Variants in CSGALNACT1 observed in about 807,000 individuals in gnomAD.
CSGALNACT1 encodes beta4GalNAcT-1.
CSGALNACT1 carries 52 observed loss-of-function variants against 51.0 expected under a neutral mutation model. That is an observed-to-expected ratio of 1.02 (90% confidence interval 0.82 to 1.29). The LOEUF (loss-of-function observed/expected upper bound fraction) is 1.29. CSGALNACT1 is among the 50% of genes most tolerant of loss of function. CSGALNACT1 has a pLI of 0.00. For synonymous variants in CSGALNACT1, 341 were observed against 254.4 expected (o/e 1.34, Z -3.24); for missense variants, 935 against 679.2 (o/e 1.38, Z -4.19).
intron 3 of CSGALNACT1, among the ~76,000 whole-genome samples, chr8:19,528,598 T>C (rs1291642564): frequency 6.7e-6 from 1 of 149,630 alleles, no homozygotes; most frequent in East Asian, 2.0e-4. Flanking sequence ...TTACTCTTTC[T>C]GAGGAGATCC....
intron 6 of CSGALNACT1, among the ~76,000 whole-genome samples, chr8:19,428,768 C>T (rs1315510453): frequency 2.0e-5 from 3 of 151,760 alleles, no homozygotes; most frequent in Admixed American, 2.0e-4. Context: ...CTGCAGAGGA[C>T]ACAAGGTGTT....
chr8:19,453,464 T>C (rs1449088471), intron 5 of CSGALNACT1, among the ~76,000 whole-genome samples: 1 of 152,114 alleles, frequency 6.6e-6, no homozygotes, highest in Non-Finnish European at 1.5e-5. Flanking sequence ...TGCTAATAAA[T>C]GGAGAAGACC....
chr8:19,603,840 CAAAT>C (rs1244563052), upstream of CSGALNACT1, among the ~76,000 whole-genome samples: 2 of 152,266 alleles, frequency 1.3e-5, no homozygotes, highest in African/African-American at 4.8e-5. Context: ...ACAATGAAAA[CAAAT>C]AGACTGTCAG....
chr8:19,407,288 G>T (rs1385924201), intron 9 of CSGALNACT1, among the ~76,000 whole-genome samples: 1 of 151,910 alleles, frequency 6.6e-6, no homozygotes, highest in South Asian at 2.1e-4. Flanking sequence ...TCTACCCCTC[G>T]TCCCTGATTT....
upstream of CSGALNACT1, among the ~76,000 whole-genome samples, chr8:19,685,662 G>A (rs2060932170): frequency 6.6e-6 from 1 of 152,180 alleles, no homozygotes; most frequent in Non-Finnish European, 1.5e-5. Context: ...TCAGGCTGAA[G>A]GTGCCCCTGA....
intron 3 of CSGALNACT1, among the ~76,000 whole-genome samples, chr8:19,539,886 A>G (rs1040254966): frequency 1.3e-5 from 2 of 152,130 alleles, no homozygotes; most frequent in Admixed American, 1.3e-4. Flanking sequence ...ACAGGAGGGG[A>G]GATACCTATG....
chr8:19,556,763 T>C (rs759142547), intron 3 of CSGALNACT1, among the ~76,000 whole-genome samples: 2 of 152,116 alleles, frequency 1.3e-5, no homozygotes, highest in Non-Finnish European at 2.9e-5. Context: ...TAATGCACCA[T>C]GTATCTTGAA....
intron 1 of CSGALNACT1, among the ~76,000 whole-genome samples, chr8:19,693,784 C>A (rs2154216965): frequency 6.6e-6 from 1 of 152,314 alleles, no homozygotes; most frequent in Non-Finnish European, 1.5e-5. Context: ...ACAAGCCAGT[C>A]TCCACTGGTA....
intron 5 of CSGALNACT1, chr8:19,457,781 C>A: frequency 7.4e-7 from 1 of 1,351,430 alleles, no homozygotes; most frequent in Non-Finnish European, 9.8e-7. Flanking sequence ...CAATCAAGGG[C>A]TTAAAGGCAC....
chr8:19,512,587 C>A (rs1430316932), intron 3 of CSGALNACT1, among the ~76,000 whole-genome samples: 3 of 152,132 alleles, frequency 2.0e-5, no homozygotes, highest in African/African-American at 7.2e-5. Context: ...GTCTTACCTC[C>A]TATGATGCAA....
chr8:19,612,577 A>G (rs938519265), intron 1 of CSGALNACT1, among the ~76,000 whole-genome samples: 1 of 151,968 alleles, frequency 6.6e-6, no homozygotes, highest in East Asian at 1.9e-4. Flanking sequence ...CACTCTAACC[A>G]TCTTTTTCAC....
At chr8:19,679,060 T>C (rs1426682842) in intron 1 of CSGALNACT1, among the ~76,000 whole-genome samples, 4 of 152,206 alleles carry the variant, frequency 2.6e-5, no homozygotes, top group East Asian at 3.8e-4. Flanking sequence ...CAATCAATAG[T>C]GTAGAAAAAT....
At chr8:19,724,323 T>C (rs1490852853) in intron 1 of CSGALNACT1, among the ~76,000 whole-genome samples, 1 of 152,206 alleles carries the variant, frequency 6.6e-6, no homozygotes. Flanking sequence ...GGAGAATCTA[T>C]TTCTTTGCTT....
At chr8:19,451,186 A>G (rs1586302818) in intron 5 of CSGALNACT1, among the ~76,000 whole-genome samples, 1 of 152,296 alleles carries the variant, frequency 6.6e-6, no homozygotes, top group East Asian at 1.9e-4. Flanking sequence ...ATCTCACCCA[A>G]CAGATGACAG....
At position 19,527,565 on chromosome 8, in the gene CSGALNACT1, G is replaced by A. The variant is rs529997944; in HGVS notation, c.-296-21435C>T. Among the ~76,000 whole-genome samples, 31 of 152,300 alleles carry A rather than the reference G, an allele frequency of 2.0e-4. 2 individuals are homozygous for A. The South Asian group carries it at 5.8e-3, about 28-fold the overall frequency. Reference sequence around the variant, plus strand: ...GCAGAGGTTAAAGTGAGCTGAGATCGTGCCACTGCACTCTAGCCTGGGTGA... The same window carrying A: ...GCAGAGGTTAAAGTGAGCTGAGATCATGCCACTGCACTCTAGCCTGGGTGA... On this transcript the variant is annotated intron_variant, in intron 3 of 9. Transcript: ENST00000454498.
chr8:19,648,480 G>T (rs376146215), intron 1 of CSGALNACT1, among the ~76,000 whole-genome samples: 1 of 152,036 alleles, frequency 6.6e-6, no homozygotes, highest in African/African-American at 2.4e-5. Flanking sequence ...TGTACACATC[G>T]ATTTCACCAA....
chr8:19,557,284 G>A (rs2039679841), intron 3 of CSGALNACT1, among the ~76,000 whole-genome samples: 1 of 152,132 alleles, frequency 6.6e-6, no homozygotes, highest in Non-Finnish European at 1.5e-5. Context: ...CCTTAAAACT[G>A]TAGTTGCCTC....
rs956721877 is a variant in CSGALNACT1, at chr8:19,570,963, G to C, written c.-297+20197C>G. Among the ~76,000 whole-genome samples the C allele has an allele frequency of 2.0e-5, 3 of 152,056 alleles. No individual in the cohort carries two copies. In the South Asian group the frequency reaches 6.2e-4, roughly 31 times the overall value. On this transcript the variant is annotated intron_variant, in intron 3 of 9. Coordinates refer to ENST00000454498, the Ensembl canonical transcript of CSGALNACT1. ...ACAAACAACAACAACAAAACGTACA[G>C]AGATGCCTCTGATTTATGTATTTAT...
At chr8:19,612,012 T>C (rs1413378240) in intron 1 of CSGALNACT1, among the ~76,000 whole-genome samples, 1 of 152,112 alleles carries the variant, frequency 6.6e-6, no homozygotes, top group Non-Finnish European at 1.5e-5. Context: ...TGGTCCTCTT[T>C]TGAGGAATAC....
Sources: allele counts gnomAD v4.1 joint callset (sites outside exome capture counted in the v4.1 genomes callset), GRCh38; gene constraint gnomAD v4.1.1; transcripts MANE v1.5; gene names NCBI Gene and HGNC (gene_info 2026-07-23, HGNC 2026-07-21).